Variants in CALN1 observed in about 807,000 individuals in gnomAD.
CALN1 encodes calcium-binding protein 8.
In CALN1, 17 loss-of-function variants were observed where a neutral mutation model predicts 30.6. The ratio of observed to expected loss-of-function variants is 0.56; its 90% confidence interval spans 0.38 to 0.83. The LOEUF is 0.83. CALN1 is among the 40% of genes least tolerant of loss of function. CALN1 has a pLI of 0.00. For synonymous variants in CALN1, 156 were observed against 131.4 expected (o/e 1.19, Z -1.28); for missense variants, 291 against 354.9 (o/e 0.82, Z 1.45).
At chr7:72,105,166 C>T (rs1347617937) in intron 4 of CALN1, among the ~76,000 whole-genome samples, 4 of 152,192 alleles carry the variant, frequency 2.6e-5, no homozygotes, top group African/African-American at 9.7e-5. Context: ...TCTGGCTACA[C>T]TGGGGCTACA....
chr7:72,470,698 G>A, the CALN1 span, among the ~76,000 whole-genome samples: 1 of 152,070 alleles, frequency 6.6e-6, no homozygotes, highest in South Asian at 2.1e-4. Flanking sequence ...AATAAAATAT[G>A]TCATATGTTG....
chr7:72,354,700 G>T (rs1326937000), intron 2 of CALN1, among the ~76,000 whole-genome samples: 1 of 152,090 alleles, frequency 6.6e-6, no homozygotes, highest in Non-Finnish European at 1.5e-5. Context: ...ATTTAATGAG[G>T]ATAGTCTTTT....
intron 2 of CALN1, among the ~76,000 whole-genome samples, chr7:72,317,471 C>T (rs1034705054): frequency 3.3e-5 from 5 of 152,102 alleles, no homozygotes; most frequent in African/African-American, 1.2e-4. Flanking sequence ...AGTTTGGTAC[C>T]ACAACTGTTC....
chr7:72,372,172 T>C (rs1336762406), intron 2 of CALN1, among the ~76,000 whole-genome samples: 1 of 152,204 alleles, frequency 6.6e-6, no homozygotes, highest in African/African-American at 2.4e-5. Context: ...TTCTTTTCCT[T>C]TTCTCTATCA....
chr7:72,243,065 C>G (rs963318134), intron 3 of CALN1, among the ~76,000 whole-genome samples: 1 of 152,084 alleles, frequency 6.6e-6, no homozygotes, highest in African/African-American at 2.4e-5. Context: ...GGAAGTGATG[C>G]GGAGTGAATG....
intron 2 of CALN1, among the ~76,000 whole-genome samples, chr7:72,398,705 C>T (rs1806135164): frequency 1.3e-5 from 2 of 152,254 alleles, no homozygotes; most frequent in Admixed American, 6.5e-5. Context: ...TGAAGGATTT[C>T]ACTGCTCCTC....
At chr7:72,410,303 T>C (rs546359632) in intron 1 of CALN1, among the ~76,000 whole-genome samples, 15 of 152,202 alleles carry the variant, frequency 9.9e-5, no homozygotes, top group Non-Finnish European at 2.1e-4. Context: ...AAGGTGATTG[T>C]TGGCCATCAT....
At position 72,359,713 on chromosome 7, in the gene CALN1, C is replaced by T. The variant is rs114999635; in HGVS notation, c.119+43538G>A. Among the ~76,000 whole-genome samples, 1,481 of 152,032 alleles carry T rather than the reference C, an allele frequency of 9.7e-3. 23 individuals are homozygous for T. The highest frequency in any genetic ancestry group is 0.034 in the African/African-American group (1,414 of 41,476). ...GATTGGGGCCGGGAAAGATGGCTCACGCCTGTAATCTCAGCACTTTGGGAG... is the reference window on the plus strand; with the variant it reads ...GATTGGGGCCGGGAAAGATGGCTCATGCCTGTAATCTCAGCACTTTGGGAG... On this transcript the variant is annotated intron_variant, in intron 2 of 6. Coordinates refer to ENST00000395275, the MANE Select transcript of CALN1 (RefSeq NM_031468.4).
chr7:72,386,020 G>A (rs1263835637), intron 2 of CALN1, among the ~76,000 whole-genome samples: 1 of 152,204 alleles, frequency 6.6e-6, no homozygotes, highest in Non-Finnish European at 1.5e-5. Flanking sequence ...AGAGAAGCCA[G>A]TTTGAAAAGG....
At chr7:72,148,550 C>G (rs1786962275) in intron 3 of CALN1, among the ~76,000 whole-genome samples, 1 of 152,042 alleles carries the variant, frequency 6.6e-6, no homozygotes, top group Non-Finnish European at 1.5e-5. Context: ...AGTGAGCCAT[C>G]ATTGTGCCAC....
At chr7:72,362,173 C>T (rs1006177272) in intron 2 of CALN1, among the ~76,000 whole-genome samples, 2 of 152,174 alleles carry the variant, frequency 1.3e-5, no homozygotes, top group African/African-American at 2.4e-5. Context: ...AAAATATCCA[C>T]GTCCAGGGTT....
At chr7:72,382,674 C>T (rs376976327) in intron 2 of CALN1, among the ~76,000 whole-genome samples, 3 of 152,224 alleles carry the variant, frequency 2.0e-5, no homozygotes, top group East Asian at 3.9e-4. Flanking sequence ...TACACATGTA[C>T]CCAATGTTTA....
At chr7:71,965,472 A>G (rs998471463) in intron 5 of CALN1, among the ~76,000 whole-genome samples, 1 of 152,230 alleles carries the variant, frequency 6.6e-6, no homozygotes, top group Non-Finnish European at 1.5e-5. Flanking sequence ...CTTGCAGATG[A>G]CATAATTTTA....
intron 1 of CALN1, among the ~76,000 whole-genome samples, chr7:72,446,152 T>C (rs1808520333): frequency 6.6e-6 from 1 of 151,808 alleles, no homozygotes; most frequent in Non-Finnish European, 1.5e-5. Context: ...GTCTGTGGAG[T>C]CATGTCAAGC....
Position 72,013,247 on chromosome 7 carries a change from A to ATTTTTTTT in CALN1, c.501+10402_501+10409dup, listed in dbSNP as rs1025112311. Among the ~76,000 whole-genome samples, 51 of 92,974 alleles carry ATTTTTTTT rather than the reference A, an allele frequency of 5.5e-4. 1 individual carries two copies. Among genetic ancestry groups the ATTTTTTTT allele is most frequent in the African/African-American group, 2.2e-3 (47 of 21,118 alleles). The allele number at this position is 92,974 out of a possible 152,430, so 61.0% of individuals were successfully genotyped here. On this transcript the variant is annotated intron_variant, in intron 5 of 6. Transcript: ENST00000395275. Reference sequence around the variant, plus strand: ...GATAATGTAATTTTGCTAATTTGAGATTTTTTTTTTTTTTTTTTTTTTTTG... The same window carrying ATTTTTTTT: ...GATAATGTAATTTTGCTAATTTGAGATTTTTTTTTTTTTTTTTTTTTTTTTTTTTTTTG...
At chr7:72,484,177 C>T in the CALN1 span, among the ~76,000 whole-genome samples, 1 of 152,154 alleles carries the variant, frequency 6.6e-6, no homozygotes, top group Non-Finnish European at 1.5e-5. Context: ...TGCATCTTTG[C>T]ATGCCTGGTA....
At chr7:72,277,156 T>C (rs985847165) in intron 3 of CALN1, among the ~76,000 whole-genome samples, 8 of 151,938 alleles carry the variant, frequency 5.3e-5, no homozygotes, top group Non-Finnish European at 7.4e-5. Context: ...TCCCCAGACA[T>C]CAAATCTGCT....
intron 5 of CALN1, among the ~76,000 whole-genome samples, chr7:71,884,345 G>A (rs1170817799): frequency 2.0e-5 from 3 of 152,136 alleles, no homozygotes; most frequent in Non-Finnish European, 4.4e-5. Context: ...AGAATCTTGG[G>A]GGGTGTAAGC....
At chr7:72,498,123 A>T in the CALN1 span, among the ~76,000 whole-genome samples, 3 of 152,216 alleles carry the variant, frequency 2.0e-5, no homozygotes, top group African/African-American at 7.2e-5. Flanking sequence ...ATAAATAGAT[A>T]AATTATCCAA....
Sources: gnomAD v4.1 joint callset for allele counts (sites outside exome capture counted in the v4.1 genomes callset) on GRCh38, gnomAD v4.1.1 for gene constraint, MANE v1.5 for transcripts, NCBI Gene and HGNC (gene_info 2026-07-23, HGNC 2026-07-21) for gene names.